CALD1: variants seen among roughly 807,000 people sequenced by gnomAD.
CALD1 encodes caldesmon 1.
CALD1 carries 33 observed loss-of-function variants against 99.9 expected under a neutral mutation model. The observed-to-expected ratio is 0.33, with a 90% CI of 0.25 to 0.44. The LOEUF (loss-of-function observed/expected upper bound fraction) is 0.44. Among genes scored for constraint, CALD1 ranks in the 20% least tolerant of loss-of-function variants. CALD1 has a pLI of 1.00. For missense variants in CALD1, 861 were observed against 962.1 expected, an observed-to-expected ratio of 0.89 and a Z score of 1.39; for synonymous variants, 310 against 325.0, an observed-to-expected ratio of 0.95 and a Z score of 0.50.
intron 1 of CALD1, among the ~76,000 whole-genome samples, chr7:134,751,457 T>C (rs1223647421): frequency 6.6e-6 from 1 of 152,226 alleles, no homozygotes; most frequent in Non-Finnish European, 1.5e-5. Flanking sequence ...TCAAGGTGAT[T>C]GTCCTTCTTT....
chr7:134,913,438 A>G (rs1803969967), intron 3 of CALD1, among the ~76,000 whole-genome samples: 1 of 152,222 alleles, frequency 6.6e-6, no homozygotes, highest in Non-Finnish European at 1.5e-5. Context: ...ATTACTTTAA[A>G]TGTATCTTTG....
intron 1 of CALD1, among the ~76,000 whole-genome samples, chr7:134,797,445 A>C (rs1438294899): frequency 1.3e-5 from 2 of 152,228 alleles, no homozygotes; most frequent in African/African-American, 4.8e-5. Context: ...TGTGCTTTGT[A>C]ATATCTGTGA....
chr7:134,729,727 T>A, the CALD1 span, among the ~76,000 whole-genome samples: 80,964 of 152,112 alleles, frequency 0.53, 22,911 homozygotes, highest in East Asian at 0.82. Context: ...TTCTGCTACC[T>A]TGAAGTCCAA....
intron 3 of CALD1, among the ~76,000 whole-genome samples, chr7:134,889,859 T>C (rs1172228607): frequency 1.3e-5 from 2 of 152,212 alleles, no homozygotes; most frequent in East Asian, 1.9e-4. Flanking sequence ...TAACTTTAAG[T>C]TTATTAAACT....
chr7:134,871,992 ACT>A (rs1264143203), intron 3 of CALD1, among the ~76,000 whole-genome samples: 2 of 152,074 alleles, frequency 1.3e-5, no homozygotes, highest in Non-Finnish European at 1.5e-5. Flanking sequence ...CTGTCCTGAG[ACT>A]CTGTCGTCCA....
chr7:134,920,725 G>A (rs1332920844), intron 3 of CALD1: 3 of 1,259,030 alleles, frequency 2.4e-6, no homozygotes, highest in Non-Finnish European at 3.1e-6. Context: ...TGGCCAGTAA[G>A]TTACTATGAA....
At chr7:134,831,902 T>C (rs1311780235) in intron 1 of CALD1, among the ~76,000 whole-genome samples, 2 of 152,170 alleles carry the variant, frequency 1.3e-5, no homozygotes, top group Non-Finnish European at 2.9e-5. Context: ...AAGTTTATTT[T>C]AAAAGGCTTT....
intron 2 of CALD1, among the ~76,000 whole-genome samples, chr7:134,851,950 C>A (rs190622844): frequency 6.6e-6 from 1 of 152,278 alleles, no homozygotes; most frequent in Admixed American, 6.5e-5. Flanking sequence ...GGCCAGAATT[C>A]TTAAGCTTTT....
At chr7:134,782,817 G>A (rs914719635) in intron 1 of CALD1, among the ~76,000 whole-genome samples, 2 of 151,996 alleles carry the variant, frequency 1.3e-5, no homozygotes, top group African/African-American at 2.4e-5. Context: ...TTCCTTTCTC[G>A]TATTTAAGGA....
At chr7:134,713,641 T>C in the CALD1 span, among the ~76,000 whole-genome samples, 7 of 151,824 alleles carry the variant, frequency 4.6e-5, no homozygotes, top group Non-Finnish European at 7.4e-5. Context: ...CCCCCTCAAA[T>C]TGGTATAATA....
chr7:134,747,412 G>T (rs1437289439), intron 1 of CALD1, among the ~76,000 whole-genome samples: 1 of 152,220 alleles, frequency 6.6e-6, no homozygotes, highest in East Asian at 1.9e-4. Context: ...GTTGTTCAAA[G>T]TTCCAGAAAA....
chr7:134,847,823 GTCTAGAAC>G (rs756016989), intron 2 of CALD1, among the ~76,000 whole-genome samples: 13 of 152,230 alleles, frequency 8.5e-5, no homozygotes, highest in Non-Finnish European at 1.9e-4. Flanking sequence ...AGGAGCTCTT[GTCTAGAAC>G]TCCTTTCCAG....
chr7:134,746,759 G>A (rs576481116), intron 1 of CALD1, among the ~76,000 whole-genome samples: 1 of 152,340 alleles, frequency 6.6e-6, no homozygotes, highest in Admixed American at 6.5e-5. Flanking sequence ...AGATGGAAAT[G>A]AGGAATATGT....
chr7:134,752,699 T>C (rs77484226), intron 1 of CALD1, among the ~76,000 whole-genome samples: 2,840 of 152,220 alleles, frequency 0.019, 82 homozygotes, highest in African/African-American at 0.063. Flanking sequence ...TAGCACCGAT[T>C]ATCAAAAATA....
chr7:134,742,254 T>C (rs1205222292), upstream of CALD1, among the ~76,000 whole-genome samples: 3 of 152,218 alleles, frequency 2.0e-5, no homozygotes. Flanking sequence ...TGAGATAGGC[T>C]ATGTGAAAAA....
chr7:134,751,856 G>A (rs1796688593), intron 1 of CALD1, among the ~76,000 whole-genome samples: 1 of 151,968 alleles, frequency 6.6e-6, no homozygotes, highest in African/African-American at 2.4e-5. Context: ...GTGCTCCTGT[G>A]GTCCCAGCTA....
At chr7:134,879,890 G>A (rs895261273) in intron 3 of CALD1, among the ~76,000 whole-genome samples, 1 of 152,150 alleles carries the variant, frequency 6.6e-6, no homozygotes, top group African/African-American at 2.4e-5. Context: ...ATCACATACA[G>A]TTCCTTTGTT....
At chr7:134,865,269 G>A (rs1003968445) in intron 2 of CALD1, among the ~76,000 whole-genome samples, 1 of 151,962 alleles carries the variant, frequency 6.6e-6, no homozygotes, top group Non-Finnish European at 1.5e-5. Flanking sequence ...AAGGGTGCAG[G>A]GATGAAGGAG....
At chr7:134,780,910 A>G (rs1039985894) in intron 1 of CALD1, among the ~76,000 whole-genome samples, 4 of 152,228 alleles carry the variant, frequency 2.6e-5, no homozygotes, top group African/African-American at 7.2e-5. Context: ...AGTGCTGGCT[A>G]TTAAAGACTA....
Sources: gnomAD v4.1 joint callset for allele counts (sites outside exome capture counted in the v4.1 genomes callset) on GRCh38, gnomAD v4.1.1 for gene constraint, MANE v1.5 for transcripts, NCBI Gene and HGNC (gene_info 2026-07-23, HGNC 2026-07-21) for gene names.